The following MTO1 variants were observed in gnomAD, a reference collection of about 807,000 sequenced individuals.
The protein encoded by MTO1 is 5-taurinomethyluridine-[tRNA] synthase subunit MTO1, mitochondrial.
MTO1 carries 46 observed loss-of-function variants against 71.6 expected under a neutral mutation model. That is an observed-to-expected ratio of 0.64 (90% CI 0.51 to 0.82). MTO1 has a LOEUF of 0.82. Among genes scored for constraint, MTO1 ranks in the 40% least tolerant of loss-of-function variants. The pLI is 0.00. For synonymous variants in MTO1, 297 were observed against 312.1 expected, an observed-to-expected ratio of 0.95 and a Z score of 0.51; for missense variants, 773 against 867.5, an observed-to-expected ratio of 0.89 and a Z score of 1.37.
At chr6:73,479,138 T>C (rs978786941) in intron 4 of MTO1, among the ~76,000 whole-genome samples, 1 of 150,934 alleles carries the variant, frequency 6.6e-6, no homozygotes, top group African/African-American at 2.4e-5. Flanking sequence ...CCACCTGCCT[T>C]GGCCTCCCAA....
chr6:73,468,192 A>G (rs568680656), intron 3 of MTO1, among the ~76,000 whole-genome samples: 2 of 151,860 alleles, frequency 1.3e-5, no homozygotes, highest in South Asian at 4.2e-4. Context: ...ATCTTGGCTC[A>G]CTGCAACGTT....
intron 3 of MTO1, among the ~76,000 whole-genome samples, chr6:73,469,526 G>T (rs1373173117): frequency 6.6e-6 from 1 of 152,144 alleles, no homozygotes; most frequent in African/African-American, 2.4e-5. Flanking sequence ...GGAGGCTGAG[G>T]CAAGAGAATC....
In MTO1 at chr6:73,479,815, T is replaced by G; in HGVS notation, c.909T>G (p.Ser303Arg). Residue 303 changes from serine (S) to arginine (R), a missense_variant, in exon 5 of 12, where the codon AGT becomes AGG. Transcript: ENST00000498286. The stretch of plus-strand genomic sequence containing the variant: ...TCCTTAAGAACCTTCACCTTAATAG[T>G]CATGTTAAAGAAACGACAAGAGGAC... ...EIVLKNLHLN[S>R]HVKETTRGPR... The G allele has an allele frequency of 6.2e-7, 1 of 1,613,768 alleles. No individual in the cohort carries two copies. Among genetic ancestry groups the G allele is most frequent in the Non-Finnish European group, 8.5e-7 (1 of 1,179,728 alleles).
intron 6 of MTO1, 116 bp downstream of exon 6, chr6:73,480,242 C>G: frequency 1.0e-6 from 1 of 997,132 alleles, no homozygotes; most frequent in Non-Finnish European, 1.6e-6. Context: ...AGCCCAACAC[C>G]TATACATTTT....
chr6:73,487,155 T>C (rs1242111385), intron 9 of MTO1, among the ~76,000 whole-genome samples: 1 of 151,948 alleles, frequency 6.6e-6, no homozygotes, highest in African/African-American at 2.4e-5. Flanking sequence ...AGTGCTGCTA[T>C]GAACATGGGT....
chr6:73,487,556 G>GTTTTTTTTTTTTTTT (rs201524298), intron 9 of MTO1: 1 of 125,904 alleles, frequency 7.9e-6, no homozygotes, highest in African/African-American at 2.9e-5. Flanking sequence ...GTCTCTGTGG[G>GTTTTTTTTTTTTTTT]TTTTTTTTTT....
At chr6:73,470,551 T>C (rs575878202) in intron 3 of MTO1, among the ~76,000 whole-genome samples, 4 of 152,242 alleles carry the variant, frequency 2.6e-5, no homozygotes, top group African/African-American at 9.6e-5. Flanking sequence ...CCCATTTTCA[T>C]TTTTATTATA....
chr6:73,463,061 T>G (rs1216443292), intron 1 of MTO1, among the ~76,000 whole-genome samples: 1 of 151,152 alleles, frequency 6.6e-6, no homozygotes, highest in East Asian at 1.9e-4. Flanking sequence ...TCTTGCACTG[T>G]CACACAGGCT....
Position 73,506,501 on chromosome 6 carries a change from AT to A in MTO1, c.*5770del. The A allele has an allele frequency of 6.4e-6, 1 of 157,262 alleles. No individual in the cohort carries two copies. The highest frequency in any genetic ancestry group is 1.4e-5 in the Non-Finnish European group (1 of 72,522). 9.7% of individuals were successfully genotyped at this position (157,262 alleles called of 1,614,324 possible). ...GGGTTTCCGATTTTGCTTCTTCCTC[AT>A]TTTCTCTTGCCACTCCCATGTAAGA... On this transcript the variant is annotated 3_prime_UTR_variant, in exon 12 of 12. Transcript: ENST00000498286.
chr6:73,479,985 C>T lies in MTO1; in HGVS notation c.988C>T (p.His330Tyr), dbSNP rs544282554. 3.7e-6 allele frequency: 6 copies of T among 1,614,110 alleles called. No individual in the cohort carries two copies. The East Asian group carries it at 1.1e-4, about 30-fold the overall frequency. Residue 330 changes from histidine to tyrosine, a missense_variant, in exon 6 of 12, where the codon CAT becomes TAT. By Grantham distance (83) the His-to-Tyr change is moderately conservative. Transcript: ENST00000498286. ...SKVLRFPNRL[H>Y]QVWLEPEGMD... ...AGTTTTGCGTTTTCCAAACCGTCTACATCAGGTTTGGTTGGAACCTGAAGG... is the reference window on the plus strand; with the variant it reads ...AGTTTTGCGTTTTCCAAACCGTCTATATCAGGTTTGGTTGGAACCTGAAGG...
In MTO1 at chr6:73,461,775, T is replaced by C. The variant is rs1770822051; in HGVS notation, c.-80T>C. 28 of 1,465,122 alleles carry C rather than the reference T, an allele frequency of 1.9e-5. No homozygotes were observed. In the South Asian group the frequency reaches 2.3e-4, roughly 12 times the overall value. 90.8% of individuals were successfully genotyped at this position (1,465,122 alleles called of 1,614,324 possible). On this transcript the variant is annotated 5_prime_UTR_variant, in exon 1 of 12. Coordinates refer to ENST00000498286, the MANE Select transcript of MTO1 (RefSeq NM_012123.4). The stretch of plus-strand genomic sequence containing the variant: ...ATATTAAAGCAAGATGGCCGCGCCC[T>C]GCAGATTGTCTCTTGTTGCGTAAGT...
intron 1 of MTO1, among the ~76,000 whole-genome samples, chr6:73,465,103 A>T (rs926734815): frequency 1.3e-5 from 2 of 152,128 alleles, no homozygotes; most frequent in Non-Finnish European, 2.9e-5. Context: ...GATGGCATTT[A>T]TGGAAGACAT....
At chr6:73,487,397 G>A (rs908578600) in intron 9 of MTO1, among the ~76,000 whole-genome samples, 4 of 151,316 alleles carry the variant, frequency 2.6e-5, no homozygotes, top group African/African-American at 9.7e-5. Flanking sequence ...TCACCATGTT[G>A]GCTAGGCTGG....
intron 4 of MTO1, among the ~76,000 whole-genome samples, chr6:73,477,714 C>T (rs1371090489): frequency 1.3e-5 from 2 of 151,634 alleles, no homozygotes; most frequent in Admixed American, 6.6e-5. Context: ...GCAGTGTCAC[C>T]CAGGCTGGTC....
chr6:73,462,752 T>TA (rs1363717076), intron 1 of MTO1, among the ~76,000 whole-genome samples: 5 of 151,938 alleles, frequency 3.3e-5, no homozygotes, highest in African/African-American at 4.8e-5. Flanking sequence ...ATTAATAAAA[T>TA]AAAAAAATCC....
chr6:73,477,661 C>G (rs1370610041), intron 4 of MTO1, among the ~76,000 whole-genome samples: 1 of 151,520 alleles, frequency 6.6e-6, no homozygotes, highest in Admixed American at 6.6e-5. Context: ...TGCTCACCAC[C>G]ATGGCTGGCT....
At chr6:73,492,585 T>A in intron 10 of MTO1, 3 of 362,676 alleles carry the variant, frequency 8.3e-6, no homozygotes, top group Non-Finnish European at 1.6e-5. Context: ...TGAGGTGGGC[T>A]GATTTCTTGA....
At position 73,497,751 on chromosome 6, in the gene MTO1, TG is replaced by T; in HGVS notation, c.1773del (p.Leu592CysfsTer8). ...TGTTGACCAGCCACTTATGAATCAG[TG>T]TTGTTCCATCAACTACAAGAAATAA... The part of the protein sequence containing the change: ...RLKIEATYES[V>X]LFHQLQEIKG... On this transcript the variant is annotated frameshift_variant, in exon 11 of 12. Coordinates refer to ENST00000498286, the MANE Select transcript of MTO1 (RefSeq NM_012123.4). LOFTEE classifies it high-confidence loss of function. 2 of 1,613,902 alleles carry T rather than the reference TG, an allele frequency of 1.2e-6. No homozygotes were observed. Among genetic ancestry groups the T allele is most frequent in the Non-Finnish European group, 1.7e-6 (2 of 1,179,842 alleles).
chr6:73,485,377 AG>A (rs1771621270), intron 9 of MTO1, among the ~76,000 whole-genome samples: 1 of 152,004 alleles, frequency 6.6e-6, no homozygotes, highest in Non-Finnish European at 1.5e-5. Context: ...TCCCTTCAGG[AG>A]GAATCAGTCT....
Sources: gnomAD v4.1 joint callset for allele counts (sites outside exome capture counted in the v4.1 genomes callset) on GRCh38, gnomAD v4.1.1 for gene constraint, MANE v1.5 for transcripts, NCBI Gene and HGNC (gene_info 2026-07-23, HGNC 2026-07-21) for gene names.